LGSN: variants seen among roughly 807,000 people sequenced by gnomAD.
The protein encoded by LGSN is lengsin, lens protein with glutamine synthetase domain.
Under a neutral mutation model 19.5 loss-of-function variants are expected in LGSN, and 21 were observed. The ratio of observed to expected loss-of-function variants is 1.07; its 90% CI spans 0.76 to 1.55. The LOEUF (loss-of-function observed/expected upper bound fraction) is 1.55, where lower values mean the gene tolerates loss of function less well. Among genes scored for constraint, LGSN ranks in the 40% most tolerant of loss-of-function variants. LGSN has a pLI of 0.00. For missense variants in LGSN, 673 were observed against 608.5 expected (o/e 1.11, Z -1.12); for synonymous variants, 257 against 215.6 (o/e 1.19, Z -1.68).
chr6:63,405,507 G>A, the LGSN span, among the ~76,000 whole-genome samples: 209 of 152,302 alleles, frequency 1.4e-3, 1 homozygote, highest in Non-Finnish European at 1.7e-3. Flanking sequence ...TCTAACTGGT[G>A]TGAGATGGTA....
intron 1 of LGSN, among the ~76,000 whole-genome samples, chr6:63,312,512 T>G (rs2127395502): frequency 6.6e-6 from 1 of 152,294 alleles, no homozygotes; most frequent in South Asian, 2.1e-4. Flanking sequence ...TTAAATAACT[T>G]TCAGTATCAT....
In LGSN at chr6:63,280,466, G is replaced by C. The variant is rs755451131; in HGVS notation, c.1085C>G (p.Ser362Cys). 2 of 1,614,038 alleles carry C rather than the reference G, an allele frequency of 1.2e-6. No homozygotes were observed. The highest frequency in any genetic ancestry group is 2.7e-5 in the African/African-American group (2 of 74,942). The change falls in exon 4 of 4, where the codon TCT becomes TGT. Residue 362 changes from serine (S) to cysteine (C), a missense_variant. Ser to Cys is a moderately radical substitution (Grantham distance 112, BLOSUM62 -1). Coordinates refer to ENST00000370657, the MANE Select transcript of LGSN (RefSeq NM_016571.3). ...GGAATAACGCTTTCGGCAGCTAACA[G>C]AAGGCGCCATCAGGCAGCTGAGCGC... ...SAALSCLMAP[S>C]VSCRKRYSKD...
At position 63,278,038 on chromosome 6, in the gene LGSN, T is replaced by G. The variant is rs1210425421; in HGVS notation, c.*1983A>C. On this transcript the variant is annotated 3_prime_UTR_variant, in exon 4 of 4. Transcript: ENST00000370657. ...GCAGTGAGCCAAGACCCCCCCACAT[T>G]GCACTTCAGCCTGGGTGACAAAGCG... is the stretch of plus-strand genomic sequence containing the variant. The G allele has an allele frequency of 1.3e-5, 2 of 150,576 alleles. No homozygotes were observed. Among genetic ancestry groups the G allele is most frequent in the Admixed American group, 1.3e-4 (2 of 15,120 alleles). The allele number at this position is 150,576 out of a possible 1,614,324, so 9.3% of individuals were successfully genotyped here.
chr6:63,493,679 C>G, the LGSN span, among the ~76,000 whole-genome samples: 1 of 151,518 alleles, frequency 6.6e-6, no homozygotes, highest in Non-Finnish European at 1.5e-5. Flanking sequence ...ATTCCTCAAC[C>G]ATCTCTTCCT....
chr6:63,399,058 C>T, the LGSN span, among the ~76,000 whole-genome samples: 1 of 152,114 alleles, frequency 6.6e-6, no homozygotes, highest in Non-Finnish European at 1.5e-5. Context: ...CCTTCTGCCT[C>T]GGACTCCCAA....
chr6:63,505,565 A>AAAAAAGAAAGAGAAAGAAAG, the LGSN span, among the ~76,000 whole-genome samples: 1 of 58,674 alleles, frequency 1.7e-5, no homozygotes, highest in African/African-American at 8.8e-5. Flanking sequence ...AAAAAAAAAA[A>AAAAAAGAAAGAGAAAGAAAG]AAAGAAAGAA....
the LGSN span, among the ~76,000 whole-genome samples, chr6:63,416,513 T>C: frequency 3.3e-5 from 5 of 152,222 alleles, no homozygotes; most frequent in African/African-American, 9.6e-5. Flanking sequence ...AATCTGCTCA[T>C]AAATAGAGTG....
rs181798975 is a variant in LGSN at position 63,293,793 on chromosome 6, G to A, written c.163+1120C>T. 8.8e-6 allele frequency: 4 copies of A among 456,610 alleles called. No homozygotes were observed. The East Asian group carries it at 2.8e-4, about 32-fold the overall frequency. 28.3% of individuals were successfully genotyped at this position (456,610 alleles called of 1,614,324 possible). A position where few individuals can be genotyped will look rare whatever the true frequency, so the allele number is the denominator to read the frequency against. ...TGACAGATGAGACTCAGCAGAGCCAGGTCCCATGATAGGTTTGCTTGTGTT... is the reference window on the plus strand; with the variant it reads ...TGACAGATGAGACTCAGCAGAGCCAAGTCCCATGATAGGTTTGCTTGTGTT... On this transcript the variant is annotated intron_variant, in intron 2 of 3. Transcript: ENST00000370657.
the LGSN span, among the ~76,000 whole-genome samples, chr6:63,522,869 T>G: frequency 6.7e-6 from 1 of 150,112 alleles, no homozygotes; most frequent in Non-Finnish European, 1.5e-5. Context: ...TCACTTTTTT[T>G]TTTTTTTTTT....
the LGSN span, among the ~76,000 whole-genome samples, chr6:63,418,853 A>C: frequency 5.9e-5 from 9 of 152,304 alleles, no homozygotes; most frequent in Admixed American, 2.0e-4. Flanking sequence ...TACTCTAAAC[A>C]AACCCACAGA....
the LGSN span, among the ~76,000 whole-genome samples, chr6:63,483,357 A>T: frequency 7.2e-6 from 1 of 139,548 alleles, no homozygotes; most frequent in African/African-American, 2.9e-5. Flanking sequence ...GGAGAAGTGG[A>T]AAAGGAAGCT....
chr6:63,335,720 G>A, the LGSN span, among the ~76,000 whole-genome samples: 7 of 152,046 alleles, frequency 4.6e-5, no homozygotes, highest in South Asian at 2.1e-4. Flanking sequence ...TAGTGGAAAC[G>A]TAAATTAATA....
chr6:63,396,458 T>C, the LGSN span: 1 of 172,174 alleles, frequency 5.8e-6, no homozygotes, highest in Non-Finnish European at 1.3e-5. Context: ...GCTCCCCTCA[T>C]CCTTAGGGCT....
At chr6:63,425,334 T>G in the LGSN span, among the ~76,000 whole-genome samples, 1 of 152,218 alleles carries the variant, frequency 6.6e-6, no homozygotes, top group Non-Finnish European at 1.5e-5. Flanking sequence ...TATAGCAGCT[T>G]TAATTCATTA....
chr6:63,327,032 C>G, the LGSN span, among the ~76,000 whole-genome samples: 3 of 152,322 alleles, frequency 2.0e-5, no homozygotes, highest in Admixed American at 6.5e-5. Flanking sequence ...CCCCTCTAAA[C>G]AGGACACCCT....
the LGSN span, among the ~76,000 whole-genome samples, chr6:63,551,297 C>T: frequency 6.6e-6 from 1 of 152,112 alleles, no homozygotes; most frequent in East Asian, 1.9e-4. Context: ...AATTCCTGAC[C>T]TCAGGTGATC....
the LGSN span, among the ~76,000 whole-genome samples, chr6:63,518,258 T>G: frequency 6.6e-6 from 1 of 152,070 alleles, no homozygotes; most frequent in Non-Finnish European, 1.5e-5. Context: ...CCAGAGCACA[T>G]CTTAGATTGC....
At chr6:63,489,776 G>C in the LGSN span, among the ~76,000 whole-genome samples, 3 of 152,120 alleles carry the variant, frequency 2.0e-5, no homozygotes, top group African/African-American at 7.2e-5. Context: ...GCACAATCTT[G>C]GCTCACTGCA....
At chr6:63,406,440 T>C in the LGSN span, among the ~76,000 whole-genome samples, 7 of 151,400 alleles carry the variant, frequency 4.6e-5, no homozygotes, top group South Asian at 2.1e-4. Flanking sequence ...GGGTACATAA[T>C]GAAATGAAGG....
Sources: gnomAD v4.1 joint callset for allele counts (sites outside exome capture counted in the v4.1 genomes callset) on GRCh38, gnomAD v4.1.1 for gene constraint, MANE v1.5 for transcripts, NCBI Gene and HGNC (gene_info 2026-07-23, HGNC 2026-07-21) for gene names.